Variants in ANKIB1 observed in about 807,000 individuals in gnomAD.
ANKIB1 encodes ankyrin repeat and IBR domain-containing protein 1.
In ANKIB1, 43 loss-of-function variants were observed where a neutral mutation model predicts 122.1. That is an observed-to-expected ratio of 0.35 (90% CI 0.28 to 0.45). The LOEUF is 0.45. Among genes scored for constraint, ANKIB1 ranks in the 20% least tolerant of loss-of-function variants. The pLI is 1.00. For missense variants in ANKIB1, 992 were observed against 1,329.5 expected (o/e 0.75, Z 3.95); for synonymous variants, 390 against 442.0 (o/e 0.88, Z 1.48).
intron 1 of ANKIB1, among the ~76,000 whole-genome samples, chr7:92,291,396 A>G (rs956314805): frequency 1.3e-5 from 2 of 152,104 alleles, no homozygotes; most frequent in Non-Finnish European, 2.9e-5. Flanking sequence ...TATGCATTGC[A>G]TGCCTGTTTC....
chr7:92,382,455 C>T (rs769863301), intron 11 of ANKIB1, among the ~76,000 whole-genome samples: 5 of 152,204 alleles, frequency 3.3e-5, no homozygotes, highest in East Asian at 1.9e-4. Flanking sequence ...AGCACCACAT[C>T]GCACTTGTTC....
At chr7:92,334,179 T>C (rs774374655) in intron 5 of ANKIB1, among the ~76,000 whole-genome samples, 1 of 152,148 alleles carries the variant, frequency 6.6e-6, no homozygotes, top group Non-Finnish European at 1.5e-5. Flanking sequence ...AATGCTGTTA[T>C]TATTGAATTC....
intron 19 of ANKIB1, 64 bp downstream of exon 19, chr7:92,397,923 T>A: frequency 6.5e-7 from 1 of 1,539,886 alleles, no homozygotes; most frequent in Non-Finnish European, 8.7e-7. Flanking sequence ...TGTGGTTTCC[T>A]GTTGTTACTT....
In ANKIB1 at chr7:92,362,271, A is replaced by G; in HGVS notation, c.1484A>G (p.Glu495Gly). Reference protein sequence around the residue: ...LQKITEMKPEELVGVSEAYED... With the variant: ...LQKITEMKPEGLVGVSEAYED... Reference sequence around the variant, plus strand: ...AAAATAACCGAAATGAAACCAGAAGAACGTAAGAGGAATTTTAGATAGCTT... The same window carrying G: ...AAAATAACCGAAATGAAACCAGAAGGACGTAAGAGGAATTTTAGATAGCTT... Residue 495 changes from glutamate to glycine, a missense_variant and splice_region_variant, in exon 10 of 20, where the codon GAA becomes GGA. This residue lies in a region of ANKIB1 where 521 missense variants were observed against 777.7 expected (regional missense o/e 0.67). Coordinates refer to ENST00000265742, the MANE Select transcript of ANKIB1 (RefSeq NM_019004.2). 1 of 1,583,648 alleles carries G rather than the reference A, an allele frequency of 6.3e-7. No individual in the cohort carries two copies. The highest frequency in any genetic ancestry group is 8.6e-7 in the Non-Finnish European group (1 of 1,164,100).
intron 1 of ANKIB1, among the ~76,000 whole-genome samples, chr7:92,259,357 T>G (rs1018970297): frequency 1.3e-5 from 2 of 152,218 alleles, no homozygotes; most frequent in African/African-American, 4.8e-5. Flanking sequence ...CTTACCACCT[T>G]CCTTATCAAT....
chr7:92,327,813 C>A lies in ANKIB1; in HGVS notation c.700C>A (p.Arg234Ser). Residue 234 changes from arginine (R) to serine (S), a missense_variant, in exon 5 of 20, where the codon CGT (arginine) becomes AGT (serine). Around this residue, in one of 4 missense-constraint regions of ANKIB1, gnomAD observed 521 missense variants for 777.7 expected, o/e 0.67. Coordinates refer to ENST00000265742, the MANE Select transcript of ANKIB1 (RefSeq NM_019004.2). ...PYEGLRPQDL[R>S]RLKDMLIVET... Reference sequence around the variant, plus strand: ...TGAAGGATTAAGGCCTCAGGATCTTCGTAGACTAAAAGATATGCTTATTGT... The same window carrying A: ...TGAAGGATTAAGGCCTCAGGATCTTAGTAGACTAAAAGATATGCTTATTGT... The A allele has an allele frequency of 6.3e-7, 1 of 1,584,200 alleles. No individual in the cohort carries two copies. The highest frequency in any genetic ancestry group is 8.5e-7 in the Non-Finnish European group (1 of 1,171,892).
chr7:92,258,430 C>A (rs1280281179), intron 1 of ANKIB1, among the ~76,000 whole-genome samples: 2 of 152,172 alleles, frequency 1.3e-5, no homozygotes, highest in African/African-American at 4.8e-5. Flanking sequence ...CTCACCCCCC[C>A]AAATTTCTAA....
At chr7:92,368,562 CAAA>C (rs1309290342) in intron 10 of ANKIB1, among the ~76,000 whole-genome samples, 1 of 150,490 alleles carries the variant, frequency 6.6e-6, no homozygotes, top group Non-Finnish European at 1.5e-5. Flanking sequence ...ACTAAAAATA[CAAA>C]AAAAAATTAG....
At position 92,345,075 on chromosome 7, in the gene ANKIB1, A is replaced by G; in HGVS notation, c.1085+9A>G. 6.3e-7 allele frequency: 1 copy of G among 1,594,426 alleles called. No individual in the cohort carries two copies. Reference sequence around the variant, plus strand: ...AGAGGATGTTGGGAGTCGTGAGTATATGAGCACCTTAGCATCTCTTACTGC... The same window carrying G: ...AGAGGATGTTGGGAGTCGTGAGTATGTGAGCACCTTAGCATCTCTTACTGC... On this transcript the variant is annotated intron_variant, in intron 7 of 19. Coordinates refer to ENST00000265742, the MANE Select transcript of ANKIB1 (RefSeq NM_019004.2).
Position 92,246,450 on chromosome 7 carries a change from AG to A in ANKIB1, c.-156del, listed in dbSNP as rs1462312563. The A allele has an allele frequency of 3.9e-6, 2 of 517,642 alleles. No individual in the cohort carries two copies. The highest frequency in any genetic ancestry group is 3.9e-5 in the African/African-American group (2 of 51,928). The allele number at this position is 517,642 out of a possible 1,614,324, so 32.1% of individuals were successfully genotyped here. A position where few individuals can be genotyped will look rare whatever the true frequency, so the allele number is the denominator to read the frequency against. ...AGGTCACCAGCTCGGCTGTAGAGGCAGGGGCGGCGGAGGCGGAACTGCGGAG... is the reference window on the plus strand; with the variant it reads ...AGGTCACCAGCTCGGCTGTAGAGGCAGGGCGGCGGAGGCGGAACTGCGGAG... On this transcript the variant is annotated 5_prime_UTR_variant, in exon 1 of 20. Coordinates refer to ENST00000265742, the MANE Select transcript of ANKIB1 (RefSeq NM_019004.2).
chr7:92,384,555 A>C (rs1342379306), intron 11 of ANKIB1, among the ~76,000 whole-genome samples: 3 of 152,212 alleles, frequency 2.0e-5, no homozygotes, highest in African/African-American at 7.2e-5. Context: ...CCAATGGAAC[A>C]GAACAGAGGC....
intron 10 of ANKIB1, among the ~76,000 whole-genome samples, chr7:92,366,406 C>G (rs1804084772): frequency 6.6e-6 from 1 of 152,042 alleles, no homozygotes; most frequent in Non-Finnish European, 1.5e-5. Flanking sequence ...CTTTCCCAGT[C>G]TTTTATCCCC....
chr7:92,273,248 C>G (rs1801834503), intron 1 of ANKIB1, among the ~76,000 whole-genome samples: 1 of 152,136 alleles, frequency 6.6e-6, no homozygotes. Context: ...CACAAAATGG[C>G]ATAAACAATT....
intron 4 of ANKIB1, among the ~76,000 whole-genome samples, chr7:92,321,078 T>C (rs1802901988): frequency 1.3e-5 from 2 of 152,156 alleles, no homozygotes. Context: ...CTTCCCGTTA[T>C]TCTTTACTGT....
At chr7:92,335,943 T>C (rs976995510) in intron 5 of ANKIB1, among the ~76,000 whole-genome samples, 5 of 152,112 alleles carry the variant, frequency 3.3e-5, no homozygotes, top group African/African-American at 1.2e-4. Flanking sequence ...TTGCATTTTA[T>C]TCTTTAACAT....
chr7:92,370,324 T>G (rs934341710), intron 10 of ANKIB1, among the ~76,000 whole-genome samples: 5 of 151,206 alleles, frequency 3.3e-5, no homozygotes, highest in African/African-American at 1.2e-4. Flanking sequence ...CTGGCTAACA[T>G]GGTGAAACCC....
chr7:92,338,944 A>T (rs1803367059), intron 5 of ANKIB1, among the ~76,000 whole-genome samples: 1 of 88,226 alleles, frequency 1.1e-5, no homozygotes, highest in African/African-American at 5.9e-5. Context: ...ATATATATAT[A>T]TATATATATA....
At chr7:92,319,550 G>A (rs767516506) in intron 4 of ANKIB1, 38 bp downstream of exon 4, 10 of 1,563,134 alleles carry the variant, frequency 6.4e-6, no homozygotes, top group Admixed American at 2.0e-5. Flanking sequence ...AAAATTACAT[G>A]TAATTTTAGA....
intron 3 of ANKIB1, among the ~76,000 whole-genome samples, chr7:92,317,966 T>G (rs1044064486): frequency 6.6e-6 from 1 of 152,168 alleles, no homozygotes; most frequent in Non-Finnish European, 1.5e-5. Context: ...TTTATATGAT[T>G]AGTCTACCTA....
Sources: gnomAD v4.1 joint callset for allele counts (sites outside exome capture counted in the v4.1 genomes callset) on GRCh38, gnomAD v4.1.1 for gene constraint, gnomAD v4.1.1 regional missense constraint, MANE v1.5 for transcripts, NCBI Gene and HGNC (gene_info 2026-07-23, HGNC 2026-07-21) for gene names.